Variants in ANKS1B observed in about 807,000 individuals in gnomAD.
ANKS1B encodes ankyrin repeat and sterile alpha motif domain containing 1B.
Under a neutral mutation model 148.3 loss-of-function variants are expected in ANKS1B, and 36 were observed. The ratio of observed to expected loss-of-function variants is 0.24; its 90% CI spans 0.19 to 0.32. The LOEUF is 0.32. ANKS1B is among the 10% of genes least tolerant of loss of function. The pLI is 1.00. For missense variants in ANKS1B, 1,157 were observed against 1,542.6 expected (o/e 0.75, Z 4.19); for synonymous variants, 542 against 560.8 (o/e 0.97, Z 0.47).
chr12:98,788,384 G>A (rs1021807355), intron 22 of ANKS1B, among the ~76,000 whole-genome samples: 1 of 152,170 alleles, frequency 6.6e-6, no homozygotes, highest in Non-Finnish European at 1.5e-5. Context: ...TCTTGACAGG[G>A]TAGAAGGATT....
chr12:99,242,162 A>G (rs112848715), intron 14 of ANKS1B, among the ~76,000 whole-genome samples: 212 of 152,334 alleles, frequency 1.4e-3, no homozygotes, highest in African/African-American at 5.0e-3. Context: ...TTAGCCCAAA[A>G]TCTCCTTAAG....
chr12:99,889,481 C>A (rs1261800772), intron 1 of ANKS1B, among the ~76,000 whole-genome samples: 1 of 152,136 alleles, frequency 6.6e-6, no homozygotes, highest in Non-Finnish European at 1.5e-5. Context: ...TTACAAGAGA[C>A]CTTTTTGCTT....
intron 10 of ANKS1B, among the ~76,000 whole-genome samples, chr12:99,447,244 T>C (rs1399316712): frequency 1.4e-4 from 21 of 152,008 alleles, no homozygotes; most frequent in Admixed American, 1.4e-3. Flanking sequence ...ATAATGGCAT[T>C]GGGACACTGG....
chr12:99,678,771 C>G (rs990736295), intron 8 of ANKS1B, among the ~76,000 whole-genome samples: 2 of 152,190 alleles, frequency 1.3e-5, no homozygotes, highest in Non-Finnish European at 2.9e-5. Flanking sequence ...CTGAGCAGTA[C>G]AGGTGTTGAC....
At chr12:99,177,643 A>G (rs1442236860) in intron 14 of ANKS1B, among the ~76,000 whole-genome samples, 1 of 152,186 alleles carries the variant, frequency 6.6e-6, no homozygotes, top group African/African-American at 2.4e-5. Context: ...CAGAGGTATT[A>G]CCCTTGGCCT....
At chr12:98,747,843 A>G (rs2097933646) in intron 26 of ANKS1B, among the ~76,000 whole-genome samples, 1 of 152,236 alleles carries the variant, frequency 6.6e-6, no homozygotes, top group African/African-American at 2.4e-5. Flanking sequence ...TGAGTGAAAT[A>G]AGCCAGACAC....
chr12:99,649,103 T>C (rs1392249815), intron 9 of ANKS1B, among the ~76,000 whole-genome samples: 1 of 152,224 alleles, frequency 6.6e-6, no homozygotes, highest in Non-Finnish European at 1.5e-5. Flanking sequence ...CTGAAACACA[T>C]ACTATGACCT....
intron 14 of ANKS1B, among the ~76,000 whole-genome samples, chr12:99,204,044 C>T (rs1012074580): frequency 1.4e-5 from 2 of 147,948 alleles, no homozygotes; most frequent in African/African-American, 4.9e-5. Flanking sequence ...AAATATTGGA[C>T]GGTTGGTTGA....
chr12:99,108,332 G>T (rs757745177), intron 15 of ANKS1B, among the ~76,000 whole-genome samples: 2 of 152,212 alleles, frequency 1.3e-5, no homozygotes, highest in Non-Finnish European at 2.9e-5. Context: ...GTACCTTGAG[G>T]ATAGAAACCA....
At chr12:99,216,323 C>T (rs1471592491) in intron 14 of ANKS1B, among the ~76,000 whole-genome samples, 2 of 152,046 alleles carry the variant, frequency 1.3e-5, no homozygotes, top group African/African-American at 2.4e-5. Context: ...AGTCATACAC[C>T]CTGGGACCCT....
rs538260743 is a variant in ANKS1B at position 98,958,796 on chromosome 12, C to T, written c.2778+94361G>A. Among the ~76,000 whole-genome samples, 10 of 152,240 alleles carry T rather than the reference C, an allele frequency of 6.6e-5. No homozygotes were observed. In the South Asian group the frequency reaches 2.1e-3, roughly 32 times the overall value. On this transcript the variant is annotated intron_variant, in intron 17 of 26. Coordinates refer to ENST00000683438, the MANE Select transcript of ANKS1B (RefSeq NM_001352186.2). ...GTGTTTAATTTATTTAAAGAGATGC[C>T]TGTTCTGTTATTACTTCAAATATAG... is the stretch of plus-strand genomic sequence containing the variant.
chr12:99,383,379 C>G (rs191018415), intron 12 of ANKS1B, among the ~76,000 whole-genome samples: 1 of 152,290 alleles, frequency 6.6e-6, no homozygotes, highest in East Asian at 1.9e-4. Flanking sequence ...AGAATAAAAT[C>G]CAGACTCTTT....
chr12:98,895,354 C>A, intron 17 of ANKS1B: 1 of 976,134 alleles, frequency 1.0e-6, no homozygotes, highest in Non-Finnish European at 1.2e-6. Context: ...GCGGTAGCAG[C>A]GGCGCGGCTC....
intron 9 of ANKS1B, among the ~76,000 whole-genome samples, chr12:99,640,911 T>A (rs1421452119): frequency 6.6e-6 from 1 of 152,144 alleles, no homozygotes; most frequent in Non-Finnish European, 1.5e-5. Flanking sequence ...AAATATAAAA[T>A]CTTTATTAGA....
At position 98,769,165 on chromosome 12, in the gene ANKS1B, C is replaced by CTTTTTTTTTTTTTTTT. The variant is rs1182264550; in HGVS notation, c.3579+3861_3579+3876dup. ...TTGAGGTATTATAGGGTCTTCTTTA[C>CTTTTTTTTTTTTTTTT]TTTTTTTTTTTTTTTTTTTTTTTTT... On this transcript the variant is annotated intron_variant, in intron 25 of 26. Transcript: ENST00000683438. Among the ~76,000 whole-genome samples, 127 of 41,234 alleles carry CTTTTTTTTTTTTTTTT rather than the reference C, an allele frequency of 3.1e-3. 32 individuals are homozygous for CTTTTTTTTTTTTTTTT. The highest frequency in any genetic ancestry group is 0.016 in the South Asian group (9 of 560). 27.1% of individuals were successfully genotyped at this position (41,234 alleles called of 152,430 possible).
intron 17 of ANKS1B, among the ~76,000 whole-genome samples, chr12:98,908,308 G>A (rs2099782183): frequency 6.6e-6 from 1 of 152,220 alleles, no homozygotes; most frequent in African/African-American, 2.4e-5. Context: ...AGCTGGATAG[G>A]ACAAGAATGT....
intron 10 of ANKS1B, among the ~76,000 whole-genome samples, chr12:99,488,573 G>A (rs1433785409): frequency 7.2e-5 from 11 of 152,036 alleles, no homozygotes; most frequent in African/African-American, 2.4e-4. Flanking sequence ...TTTATTGTCT[G>A]GAAATTTAAT....
At chr12:99,378,652 CAAAAA>C (rs140892353) in intron 12 of ANKS1B, among the ~76,000 whole-genome samples, 3 of 90,714 alleles carry the variant, frequency 3.3e-5, no homozygotes, top group East Asian at 3.0e-4. Flanking sequence ...GACTCCATCT[CAAAAA>C]AAAAAAAAAA....
chr12:99,398,075 A>G (rs894268357), intron 12 of ANKS1B, among the ~76,000 whole-genome samples: 4 of 152,126 alleles, frequency 2.6e-5, no homozygotes, highest in Admixed American at 2.6e-4. Flanking sequence ...GGATATGGTA[A>G]GGAGTTGGGT....
Sources: gnomAD v4.1 joint callset for allele counts (sites outside exome capture counted in the v4.1 genomes callset) on GRCh38, gnomAD v4.1.1 for gene constraint, MANE v1.5 for transcripts, NCBI Gene and HGNC (gene_info 2026-07-23, HGNC 2026-07-21) for gene names.